Variants in NDUFA10 observed in about 807,000 individuals in gnomAD.
The protein encoded by NDUFA10 is NADH:ubiquinone oxidoreductase subunit A10, also known as NADH dehydrogenase [ubiquinone] 1 alpha subcomplex subunit 10, mitochondrial.
A neutral mutation model predicts 47.8 loss-of-function variants in NDUFA10; 40 were observed. The observed-to-expected ratio is 0.84, with a 90% CI of 0.65 to 1.09. The LOEUF is 1.09. NDUFA10 is among the 50% of genes least tolerant of loss of function. NDUFA10 has a pLI of 0.00. For missense variants in NDUFA10, 413 were observed against 451.1 expected (o/e 0.92, Z 0.76); for synonymous variants, 183 against 172.2 (o/e 1.06, Z -0.49).
intron 9 of NDUFA10, chr2:239,983,405 C>A (rs958960): frequency 0.7 from 1,006,142 of 1,430,682 alleles, 355,435 homozygotes; most frequent in African/African-American, 0.79. Context: ...CTATGAATTT[C>A]CAGAAATGGT....
rs931007154 is a variant in NDUFA10, at chr2:240,025,336, G to C, written c.-35C>G. The C allele has an allele frequency of 1.6e-5, 23 of 1,475,430 alleles. No homozygotes were observed. The East Asian group carries it at 6.7e-4, about 43-fold the overall frequency. The allele number at this position is 1,475,430 out of a possible 1,614,324, so 91.4% of individuals were successfully genotyped here. On this transcript the variant is annotated 5_prime_UTR_variant, in exon 1 of 10. Coordinates refer to ENST00000252711, the MANE Select transcript of NDUFA10 (RefSeq NM_004544.4). ...GTCAGCTCAGGATCAAGGACCCAAG[G>C]GGACGCGGTCGCGACGGGGCCCTCT...
chr2:239,975,335 T>G (rs1695476823), intron 9 of NDUFA10, among the ~76,000 whole-genome samples: 1 of 152,184 alleles, frequency 6.6e-6, no homozygotes, highest in Non-Finnish European at 1.5e-5. Context: ...TTAAATAAAT[T>G]ATCCAGTCTC....
intron 4 of NDUFA10, among the ~76,000 whole-genome samples, chr2:239,929,858 G>C (rs1333922659): frequency 6.7e-6 from 1 of 149,564 alleles, no homozygotes; most frequent in African/African-American, 2.5e-5. Flanking sequence ...CACTGCCCCT[G>C]CTCCTCAGCC....
intron 4 of NDUFA10, among the ~76,000 whole-genome samples, chr2:239,897,106 T>C (rs1181205319): frequency 6.6e-6 from 1 of 152,176 alleles, no homozygotes; most frequent in African/African-American, 2.4e-5. Context: ...GACTGAACTA[T>C]GATCCACACA....
rs1694910745 is a variant in NDUFA10, at chr2:239,962,848, C to A, written c.1000-1662G>T. Among the ~76,000 whole-genome samples, 3 of 151,968 alleles carry A rather than the reference C, an allele frequency of 2.0e-5. No individual in the cohort carries two copies. The South Asian group carries it at 6.2e-4, about 32-fold the overall frequency. The stretch of plus-strand genomic sequence containing the variant: ...TGAGGCGGGTAGGGGGTGGGAGCTG[C>A]CATATACTTTAAAATGAGAGGTCGA... On this transcript the variant is annotated intron_variant, in intron 9 of 9. Transcript: ENST00000252711.
intron 1 of NDUFA10, among the ~76,000 whole-genome samples, chr2:240,022,815 T>C (rs1399444586): frequency 6.6e-6 from 1 of 152,148 alleles, no homozygotes; most frequent in East Asian, 1.9e-4. Flanking sequence ...CACCTAGATG[T>C]CCTGAAGGCA....
At chr2:239,911,951 GT>G (rs899738519) in intron 4 of NDUFA10, among the ~76,000 whole-genome samples, 1 of 152,116 alleles carries the variant, frequency 6.6e-6, no homozygotes, top group Non-Finnish European at 1.5e-5. Flanking sequence ...GCCCTGGGGG[GT>G]TTCCTGGGAT....
At chr2:239,923,573 A>C (rs1052156460) in intron 4 of NDUFA10, among the ~76,000 whole-genome samples, 3 of 152,178 alleles carry the variant, frequency 2.0e-5, no homozygotes, top group Non-Finnish European at 2.9e-5. Context: ...ATACAGAAAA[A>C]ATAGAAATAA....
rs113973697 is a variant in NDUFA10 at position 240,011,689 on chromosome 2, T to G, written c.677A>C (p.Glu226Ala). The stretch of plus-strand genomic sequence containing the variant: ...TAGATAGGCAGAGGTGATCTTCATT[T>G]CATGTGGCTAAACAGAAGCAGAAAA... The part of the protein sequence containing the change: ...RRIQKKGDPH[E>A]MKITSAYLQD... The change falls in exon 6 of 10, where the codon GAA (glutamate) becomes GCA (alanine). Residue 226 changes from glutamate (E) to alanine (A), a missense_variant. By Grantham distance (107) the Glu-to-Ala change is moderately radical (BLOSUM62 -1). Transcript: ENST00000252711. 6 of 1,612,464 alleles carry G rather than the reference T, an allele frequency of 3.7e-6. No individual in the cohort carries two copies. The African/African-American group carries it at 8.0e-5, about 21-fold the overall frequency.
intron 3 of NDUFA10, among the ~76,000 whole-genome samples, chr2:240,020,167 G>A (rs1465783890): frequency 6.6e-6 from 1 of 152,214 alleles, no homozygotes; most frequent in Middle Eastern, 3.2e-3. Context: ...GAAGAAGCCT[G>A]TGAGCCGGCC....
At chr2:239,973,781 A>C in intron 9 of NDUFA10, 1 of 362,098 alleles carries the variant, frequency 2.8e-6, no homozygotes, top group Non-Finnish European at 5.6e-6. Context: ...CCTGTCCTGC[A>C]CACATTCAGT....
intron 9 of NDUFA10, among the ~76,000 whole-genome samples, chr2:239,986,683 T>C (rs150851669): frequency 8.9e-4 from 136 of 152,244 alleles, no homozygotes; most frequent in Non-Finnish European, 1.5e-3. Context: ...GAAAGAACGA[T>C]AGAAACAGAA....
chr2:239,969,191 G>T (rs1179384653), intron 9 of NDUFA10, among the ~76,000 whole-genome samples: 1 of 152,174 alleles, frequency 6.6e-6, no homozygotes, highest in East Asian at 1.9e-4. Flanking sequence ...CAAAGACGAT[G>T]AATTAGGAAA....
At position 240,018,541 on chromosome 2, in the gene NDUFA10, A is replaced by G; in HGVS notation, c.547+12T>C. On this transcript the variant is annotated intron_variant, in intron 4 of 9. Transcript: ENST00000252711. ...CCACACACCCAGAAGTGGGTCTGCA[A>G]TGCTGACTCACACTGCTTTCGGATG... 1.2e-6 allele frequency: 2 copies of G among 1,614,216 alleles called. No homozygotes were observed. Among genetic ancestry groups the G allele is most frequent in the South Asian group, 2.2e-5 (2 of 91,090 alleles).
At chr2:240,015,194 G>A (rs1697300344) in intron 4 of NDUFA10, among the ~76,000 whole-genome samples, 1 of 152,236 alleles carries the variant, frequency 6.6e-6, no homozygotes, top group Admixed American at 6.5e-5. Context: ...TTTAAACTGT[G>A]ACCTTAATCA....
At chr2:239,898,256 G>A (rs182104595) in intron 4 of NDUFA10, among the ~76,000 whole-genome samples, 104 of 152,310 alleles carry the variant, frequency 6.8e-4, no homozygotes, top group South Asian at 6.2e-4. Context: ...ATGAGAGAAC[G>A]TGTTCCTCTG....
downstream of NDUFA10, among the ~76,000 whole-genome samples, chr2:239,954,934 T>C (rs913049716): frequency 1.3e-5 from 2 of 152,180 alleles, no homozygotes; most frequent in African/African-American, 4.8e-5. Flanking sequence ...TTCCCTCCCA[T>C]GGGTGGTTCC....
intron 4 of NDUFA10, among the ~76,000 whole-genome samples, chr2:239,936,852 C>T (rs910640378): frequency 2.6e-5 from 4 of 152,134 alleles, no homozygotes; most frequent in South Asian, 4.1e-4. Flanking sequence ...CTCAGCTACT[C>T]GAGAGGCTGA....
downstream of NDUFA10, among the ~76,000 whole-genome samples, chr2:239,952,547 C>T (rs1694573528): frequency 6.6e-6 from 1 of 152,210 alleles, no homozygotes; most frequent in Admixed American, 6.5e-5. Flanking sequence ...CCAGGTACCC[C>T]TGTAGGGGTT....
Sources: allele counts gnomAD v4.1 joint callset (sites outside exome capture counted in the v4.1 genomes callset), GRCh38; gene constraint gnomAD v4.1.1; transcripts MANE v1.5; gene names NCBI Gene and HGNC (gene_info 2026-07-23, HGNC 2026-07-21).